Variants in EPPK1 observed in about 807,000 individuals in gnomAD.
EPPK1 encodes epiplakin 1.
For synonymous variants in EPPK1, 1,862 were observed against 1,721.2 expected, an observed-to-expected ratio of 1.08 and a Z score of -2.03; for missense variants, 3,823 against 3,673.3, an observed-to-expected ratio of 1.04 and a Z score of -1.05.
At chr8:143,876,903 T>C (rs1819490864) in intron 1 of EPPK1, among the ~76,000 whole-genome samples, 1 of 151,554 alleles carries the variant, frequency 6.6e-6, no homozygotes. Flanking sequence ...GCAGGGCCAG[T>C]GAGGGTGGGG....
rs782325586 is a variant in EPPK1, at chr8:143,872,589, G to T, written c.665C>A (p.Pro222His). 6 of 1,610,030 alleles carry T rather than the reference G, an allele frequency of 3.7e-6. No homozygotes were observed. The highest frequency in any genetic ancestry group is 5.1e-6 in the Non-Finnish European group (6 of 1,179,482). ...GGGCAGCAAGGCTAGCCCCGAGCCG[G>T]GGGCACGCACACACCTTTCCAGCAG... Reference protein sequence around the residue: ...HQLLERCVRAPGSGLALLPLK... With the variant: ...HQLLERCVRAHGSGLALLPLK... Residue 222 changes from proline (P) to histidine (H), a missense_variant, in exon 2 of 2, where the codon CCC becomes CAC. Transcript: ENST00000615648.
At position 143,867,154 on chromosome 8, in the gene EPPK1, C is replaced by T; in HGVS notation, c.6100G>A (p.Gly2034Ser). Residue 2034 changes from glycine to serine, a missense_variant, in exon 2 of 2, where the codon GGC becomes AGC. Transcript: ENST00000615648. ...RLPLETAYRR[G>S]CLHKDIYALI... ...GCATAGATGTCCTTGTGCAGACAGC[C>T]CCGTCTGTAGGCTGTTTCCAGTGGG... 1 of 1,612,764 alleles carries T rather than the reference C, an allele frequency of 6.2e-7. No individual in the cohort carries two copies. Among genetic ancestry groups the T allele is most frequent in the Non-Finnish European group, 8.5e-7 (1 of 1,179,702 alleles).
In EPPK1 at chr8:143,872,150, G is replaced by T. The variant is rs782321412; in HGVS notation, c.1104C>A (p.Asp368Glu). Residue 368 changes from aspartate (D) to glutamate (E), a missense_variant, in exon 2 of 2, where the codon GAC becomes GAA. Asp to Glu is a conservative substitution (Grantham distance 45). Coordinates refer to ENST00000615648, the MANE Select transcript of EPPK1 (RefSeq NM_031308.4). ...GGGGGATTTGGGAGCCACTGAAGGG[G>T]TCGTGGTGCCCTGTCACGGCCTGCT... ...VAEQAVTGHH[D>E]PFSGSQIPLF... 1.9e-6 allele frequency: 3 copies of T among 1,581,194 alleles called. No individual in the cohort carries two copies. Among genetic ancestry groups the T allele is most frequent in the East Asian group, 4.5e-5 (2 of 44,118 alleles).
rs1554660330 is a variant in EPPK1, at chr8:143,869,385, A to G, written c.3869T>C (p.Val1290Ala). ...CAGTCTCTGGTTGTTCAGGGGGTCA[A>G]CAAGGAAGCCAGATGCCACCTGGGC... The part of the protein sequence containing the change: ...LEAQVASGFL[V>A]DPLNNQRLSV... The change falls in exon 2 of 2, where the codon GTT becomes GCT. Residue 1290 changes from valine to alanine, a missense_variant. Transcript: ENST00000615648. The G allele has an allele frequency of 6.2e-7, 1 of 1,610,230 alleles. No homozygotes were observed. Among genetic ancestry groups the G allele is most frequent in the Admixed American group, 1.7e-5 (1 of 59,864 alleles).
chr8:143,866,515 G>C lies in EPPK1; in HGVS notation c.6739C>G (p.Gln2247Glu). 1 of 1,570,050 alleles carries C rather than the reference G, an allele frequency of 6.4e-7. No individual in the cohort carries two copies. The highest frequency in any genetic ancestry group is 8.6e-7 in the Non-Finnish European group (1 of 1,161,750). Residue 2247 changes from glutamine to glutamate, a missense_variant, in exon 2 of 2, where the codon CAG (glutamine) becomes GAG (glutamate). By Grantham distance (29) the Gln-to-Glu change is conservative (BLOSUM62 2). Coordinates refer to ENST00000615648, the MANE Select transcript of EPPK1 (RefSeq NM_031308.4). The part of the protein sequence containing the change: ...PGRQEKMSIY[Q>E]AMWKGVLRPG... ...CGCAGCACGCCCTTCCACATGGCCT[G>C]GTAGATGCTCATCTTCTCCTGGCGG...
In EPPK1 at chr8:143,867,914, T is replaced by A; in HGVS notation, c.5340A>T (p.Arg1780Ser). 6.2e-7 allele frequency: 1 copy of A among 1,613,574 alleles called. No homozygotes were observed. The highest frequency in any genetic ancestry group is 8.5e-7 in the Non-Finnish European group (1 of 1,179,842). Residue 1780 changes from arginine to serine, a missense_variant, in exon 2 of 2, where the codon AGA (arginine) becomes AGT (serine). By Grantham distance (110) the Arg-to-Ser change is moderately radical. Transcript: ENST00000615648. Reference sequence around the variant, plus strand: ...ACCTCCCCACGCGCATTTTTGCAGTTCTGGATTGCAACACGTGTCTCGTGG... The same window carrying A: ...ACCTCCCCACGCGCATTTTTGCAGTACTGGATTGCAACACGTGTCTCGTGG... ...NEATRHVLQSRTAKMRVGRFA... is the reference protein window; with the variant it reads ...NEATRHVLQSSTAKMRVGRFA...
At position 143,857,834 on chromosome 8, in the gene EPPK1, A is replaced by G. The variant is rs138261549; in HGVS notation, c.*153T>C. Reference sequence around the variant, plus strand: ...TGGACAAAGGAAAAGTTTCTGTCACATGACAACTTAAAACGTTTTCCACAG... The same window carrying G: ...TGGACAAAGGAAAAGTTTCTGTCACGTGACAACTTAAAACGTTTTCCACAG... On this transcript the variant is annotated 3_prime_UTR_variant, in exon 2 of 2. Transcript: ENST00000615648. The G allele has an allele frequency of 1.8e-4, 112 of 608,170 alleles. No individual in the cohort carries two copies. In the African/African-American group the frequency reaches 1.9e-3, roughly 10 times the overall value. The allele number at this position is 608,170 out of a possible 1,614,324, so 37.7% of individuals were successfully genotyped here.
chr8:143,873,083 G>A lies in EPPK1; in HGVS notation c.171C>T (p.Val57=). ...GGAGGCCCTGCTCCATGGCGGCGTAGACACTCTGGGCCTGGCCCGAGGCCT... is the reference window on the plus strand; with the variant it reads ...GGAGGCCCTGCTCCATGGCGGCGTAAACACTCTGGGCCTGGCCCGAGGCCT... ...YVEASGQAQS[V]YAAMEQGLLP... The change falls in exon 2 of 2, where the codon GTC becomes GTT. Residue 57 remains valine (V), a synonymous_variant. Coordinates refer to ENST00000615648, the MANE Select transcript of EPPK1 (RefSeq NM_031308.4). 6.4e-7 allele frequency: 1 copy of A among 1,554,554 alleles called. No homozygotes were observed. Among genetic ancestry groups the A allele is most frequent in the South Asian group, 1.2e-5 (1 of 84,314 alleles).
intron 1 of EPPK1, 63 bp downstream of exon 1, chr8:143,878,375 G>GCCCGCGCCCGCA (rs1819524848): frequency 5.6e-5 from 7 of 124,728 alleles, no homozygotes; most frequent in Admixed American, 4.6e-4. Flanking sequence ...CGCCGCACCT[G>GCCCGCGCCCGCA]CCCGCACCCG....
chr8:143,869,537 C>T lies in EPPK1; in HGVS notation c.3717G>A (p.Lys1239=). The T allele has an allele frequency of 6.4e-7, 1 of 1,561,890 alleles. No homozygotes were observed. Among genetic ancestry groups the T allele is most frequent in the South Asian group, 1.2e-5 (1 of 86,268 alleles). The change falls in exon 2 of 2, where the codon AAG becomes AAA. Residue 1239 remains lysine (K), a synonymous_variant. Transcript: ENST00000615648. ...PAQVAEQPAV[K]ACLWGTGCVA... ...CGCAGCCTGTGCCCCACAGGCAGGC[C>T]TTCACCGCCGGCTGCTCGGCGACCT...
At position 143,870,030 on chromosome 8, in the gene EPPK1, G is replaced by C. The variant is rs1554660588; in HGVS notation, c.3224C>G (p.Thr1075Arg). 1.2e-6 allele frequency: 2 copies of C among 1,611,114 alleles called. No individual in the cohort carries two copies. Among genetic ancestry groups the C allele is most frequent in the African/African-American group, 2.7e-5 (2 of 74,992 alleles). The change falls in exon 2 of 2, where the codon ACA becomes AGA. Residue 1075 changes from threonine (T) to arginine (R), a missense_variant. Transcript: ENST00000615648. The surrounding 1 kb of genome is among the most constrained non-coding windows in gnomAD (Gnocchi z 5.2). ...QRGYVDQEME[T>R]ALSSSSETFP... ...GGTTTCGGAGGAGCTGGACAAGGCTGTCTCCATCTCCTGGTCAACATAGCC... is the reference window on the plus strand; with the variant it reads ...GGTTTCGGAGGAGCTGGACAAGGCTCTCTCCATCTCCTGGTCAACATAGCC...
intron 1 of EPPK1, among the ~76,000 whole-genome samples, chr8:143,876,189 G>A (rs1017374880): frequency 3.3e-5 from 5 of 152,196 alleles, no homozygotes; most frequent in Non-Finnish European, 7.4e-5. Flanking sequence ...CACCACAGGG[G>A]CAGACAGGGT....
rs782182522 is a variant in EPPK1, at chr8:143,866,769, A to T, written c.6485T>A (p.Ile2162Asn). 6.2e-7 allele frequency: 1 copy of T among 1,613,404 alleles called. No homozygotes were observed. Among genetic ancestry groups the T allele is most frequent in the South Asian group, 1.1e-5 (1 of 91,078 alleles). Reference sequence around the variant, plus strand: ...TTTGTTGCTGGTTTCCTGCTTCTCGATCAACTCTAAGATGAGCTGCGCTAC... The same window carrying T: ...TTTGTTGCTGGTTTCCTGCTTCTCGTTCAACTCTAAGATGAGCTGCGCTAC... ...QTVAQLILEL[I>N]EKQETSNKHL... The change falls in exon 2 of 2, where the codon ATC (isoleucine) becomes AAC (asparagine). Residue 2162 changes from isoleucine to asparagine, a missense_variant. Physicochemically the swap from Ile to Asn is moderately radical, Grantham distance 149. Coordinates refer to ENST00000615648, the MANE Select transcript of EPPK1 (RefSeq NM_031308.4).
rs782486653 is a variant in EPPK1, at chr8:143,872,867, C to T, written c.387G>A (p.Glu129=). 5 of 1,572,500 alleles carry T rather than the reference C, an allele frequency of 3.2e-6. No individual in the cohort carries two copies. The highest frequency in any genetic ancestry group is 2.3e-5 in the South Asian group (2 of 85,424). ...CGATGGCCTGAAAGAGGGCCAGCTTCTCACCGCCGTAGGGGTCAGGATAGC... is the reference window on the plus strand; with the variant it reads ...CGATGGCCTGAAAGAGGGCCAGCTTTTCACCGCCGTAGGGGTCAGGATAGC... ...TTGYPDPYGG[E]KLALFQAIGK... Residue 129 remains glutamate, a synonymous_variant, in exon 2 of 2, where the codon GAG becomes GAA. Transcript: ENST00000615648.
At chr8:143,877,328 A>G (rs1819501006) in intron 1 of EPPK1, among the ~76,000 whole-genome samples, 1 of 149,962 alleles carries the variant, frequency 6.7e-6, no homozygotes, top group African/African-American at 2.5e-5. Flanking sequence ...GTCCGGAGCG[A>G]GGGGGGGCAG....
At position 143,857,791 on chromosome 8, in the gene EPPK1, A is replaced by T; in HGVS notation, c.*196T>A. 2.0e-6 allele frequency: 1 copy of T among 504,366 alleles called. No homozygotes were observed. The highest frequency in any genetic ancestry group is 3.4e-6 in the Non-Finnish European group (1 of 296,344). 31.2% of individuals were successfully genotyped at this position (504,366 alleles called of 1,614,324 possible). ...GACGACCCAGAAAACACACCAAAAA[A>T]CTTATGAAACACCTCGATGGACAAA... On this transcript the variant is annotated 3_prime_UTR_variant, in exon 2 of 2. Coordinates refer to ENST00000615648, the MANE Select transcript of EPPK1 (RefSeq NM_031308.4).
In EPPK1 at chr8:143,867,391, C is replaced by G. The variant is rs782020110; in HGVS notation, c.5863G>C (p.Val1955Leu). The change falls in exon 2 of 2, where the codon GTG becomes CTG. Residue 1955 changes from valine to leucine, a missense_variant. Physicochemically the swap from Val to Leu is conservative, Grantham distance 32. Transcript: ENST00000615648. The stretch of plus-strand genomic sequence containing the variant: ...TCCTCGTTCACCAGGCCCACATCCA[C>G]AGCCTCATCCACAGAGAGCTTCTGG... ...TRQKLSVDEA[V>L]DVGLVNEELR... 1 of 1,612,930 alleles carries G rather than the reference C, an allele frequency of 6.2e-7. No homozygotes were observed. Among genetic ancestry groups the G allele is most frequent in the South Asian group, 1.1e-5 (1 of 91,086 alleles).
Position 143,872,343 on chromosome 8 carries a change from G to A in EPPK1, c.911C>T (p.Ala304Val), listed in dbSNP as rs782378400. 2 of 1,605,010 alleles carry A rather than the reference G, an allele frequency of 1.2e-6. No homozygotes were observed. The highest frequency in any genetic ancestry group is 2.2e-5 in the South Asian group (2 of 90,804). ...PEGHKKSFFQ[A>V]ATEHLLPMGT... ...CATTGGGAGCAGGTGCTCGGTGGCA[G>A]CCTGGAAAAAGCTCTTCTTGTGGCC... The change falls in exon 2 of 2, where the codon GCT becomes GTT. Residue 304 changes from alanine to valine, a missense_variant. Coordinates refer to ENST00000615648, the MANE Select transcript of EPPK1 (RefSeq NM_031308.4).
At chr8:143,875,416 G>A (rs1819459914) in intron 1 of EPPK1, among the ~76,000 whole-genome samples, 1 of 152,268 alleles carries the variant, frequency 6.6e-6, no homozygotes, top group African/African-American at 2.4e-5. Context: ...AGGCTGCTCA[G>A]AGCCTCAGAC....
Sources: allele counts gnomAD v4.1 joint callset (sites outside exome capture counted in the v4.1 genomes callset), GRCh38; gene constraint gnomAD v4.1.1; non-coding constraint Gnocchi (gnomAD v3.1); transcripts MANE v1.5; gene names NCBI Gene and HGNC (gene_info 2026-07-23, HGNC 2026-07-21).